Variants in NDST1 observed in about 807,000 individuals in gnomAD.
NDST1 encodes the protein bifunctional heparan sulfate N-deacetylase/N-sulfotransferase 1.
A neutral mutation model predicts 92.8 loss-of-function variants in NDST1; 35 were observed. That is an observed-to-expected ratio of 0.38 (90% CI 0.29 to 0.50). The LOEUF (loss-of-function observed/expected upper bound fraction) is 0.50, where lower values mean the gene tolerates loss of function less well. NDST1 is among the 20% of genes least tolerant of loss of function. NDST1 has a pLI of 0.94. For synonymous variants in NDST1, 493 were observed against 500.3 expected (o/e 0.99, Z 0.19); for missense variants, 822 against 1,182.7 (o/e 0.69, Z 4.47).
chr5:150,539,129 T>G, intron 6 of NDST1, 99 bp from the exon 7 acceptor site: 2 of 1,007,070 alleles, frequency 2.0e-6, no homozygotes, highest in Non-Finnish European at 3.1e-6. Context: ...GAGACTGCCT[T>G]TCTGAGGAGC....
chr5:150,547,428 C>T (rs934283585), intron 11 of NDST1, among the ~76,000 whole-genome samples: 1 of 152,214 alleles, frequency 6.6e-6, no homozygotes, highest in Admixed American at 6.5e-5. Flanking sequence ...GCCTGTCGCA[C>T]AGGTGCCTGA....
In NDST1 at chr5:150,518,541, C is replaced by T. The variant is rs974115131; in HGVS notation, c.-387-2327C>T. On this transcript the variant is annotated intron_variant, in intron 1 of 14. Transcript: ENST00000261797. ...ACCTCCTCATTTCACAAACAAAAAGCGGAAATAAAAATCACCCAGAGATAA... is the reference window on the plus strand; with the variant it reads ...ACCTCCTCATTTCACAAACAAAAAGTGGAAATAAAAATCACCCAGAGATAA... Among the ~76,000 whole-genome samples the T allele has an allele frequency of 2.0e-5, 3 of 152,088 alleles. No individual in the cohort carries two copies. In the East Asian group the frequency reaches 5.8e-4, roughly 29 times the overall value.
chr5:150,539,413 T>C, intron 7 of NDST1, 57 bp downstream of exon 7: 1 of 1,611,966 alleles, frequency 6.2e-7, no homozygotes, highest in Non-Finnish European at 8.5e-7. Context: ...ACAGCCTGTC[T>C]GCAGCTGACA....
Position 150,554,915 on chromosome 5 carries a change from A to G in NDST1, c.*1583A>G, listed in dbSNP as rs1755840062. On this transcript the variant is annotated 3_prime_UTR_variant, in exon 15 of 15. Transcript: ENST00000261797. ...GGGTGCCTCTCCCTGGCCCCCTCCA[A>G]CTGCCAAATTCTGCTTCCCTCTGAA... 1 of 152,730 alleles carries G rather than the reference A, an allele frequency of 6.5e-6. No homozygotes were observed. Among genetic ancestry groups the G allele is most frequent in the South Asian group, 2.1e-4 (1 of 4,828 alleles). 9.5% of individuals were successfully genotyped at this position (152,730 alleles called of 1,614,324 possible).
chr5:150,545,304 T>G lies in NDST1; in HGVS notation c.1971-8T>G, dbSNP rs779946704. 1 of 1,614,040 alleles carries G rather than the reference T, an allele frequency of 6.2e-7. No homozygotes were observed. Among genetic ancestry groups the G allele is most frequent in the Non-Finnish European group, 8.5e-7 (1 of 1,180,024 alleles). ...TGTCTGTGAGCCGCCTCTCTGGGCT[T>G]CCTGCAGGTACATGGAGTTCTTCCC... On this transcript the variant is annotated splice_polypyrimidine_tract_variant and splice_region_variant and intron_variant, in intron 10 of 14. Transcript: ENST00000261797.
In NDST1 at chr5:150,554,564, C is replaced by T. The variant is rs116054908; in HGVS notation, c.*1232C>T. On this transcript the variant is annotated 3_prime_UTR_variant, in exon 15 of 15. Transcript: ENST00000261797. Reference sequence around the variant, plus strand: ...CCCCAGTGCCGTGGCTGCTCTGGGGCTACCCCAGGTGAACAGAGGTGGTGA... The same window carrying T: ...CCCCAGTGCCGTGGCTGCTCTGGGGTTACCCCAGGTGAACAGAGGTGGTGA... 0.016 allele frequency: 2,380 copies of T among 152,632 alleles called. 59 individuals are homozygous for T. Among genetic ancestry groups the T allele is most frequent in the African/African-American group, 0.053 (2,193 of 41,474 alleles). 9.5% of individuals were successfully genotyped at this position (152,632 alleles called of 1,614,324 possible). A position where few individuals can be genotyped will look rare whatever the true frequency, so the allele number is the denominator to read the frequency against.
chr5:150,535,598 C>T (rs1378005557), intron 5 of NDST1, 102 bp from the exon 6 acceptor site: 22 of 1,433,782 alleles, frequency 1.5e-5, no homozygotes, highest in East Asian at 9.3e-5. Context: ...GCAGCCATGC[C>T]GACCTAACCT....
At chr5:150,535,134 A>G in intron 5 of NDST1, 113 bp downstream of exon 5, 1 of 1,468,352 alleles carries the variant, frequency 6.8e-7, no homozygotes, top group Non-Finnish European at 9.3e-7. Flanking sequence ...TTTTACTAAC[A>G]CCTCTGGGCC....
At position 150,540,066 on chromosome 5, in the gene NDST1, C is replaced by T; in HGVS notation, c.1567-16C>T. On this transcript the variant is annotated splice_polypyrimidine_tract_variant and intron_variant, in intron 7 of 14. Coordinates refer to ENST00000261797, the MANE Select transcript of NDST1 (RefSeq NM_001543.5). ...ACTGATGGGCCCTGCCTCTCTCCTC[C>T]CCTCCCCTGGAGCAGATCAGCATCT... The T allele has an allele frequency of 6.2e-7, 1 of 1,614,072 alleles. No individual in the cohort carries two copies.
intron 1 of NDST1, among the ~76,000 whole-genome samples, chr5:150,498,644 A>ACC (rs1753099497): frequency 6.6e-6 from 1 of 152,126 alleles, no homozygotes; most frequent in Non-Finnish European, 1.5e-5. Flanking sequence ...GCAGGGCACG[A>ACC]TTCTCAACCT....
At chr5:150,519,973 C>T (rs1025491971) in intron 1 of NDST1, among the ~76,000 whole-genome samples, 4 of 152,022 alleles carry the variant, frequency 2.6e-5, no homozygotes, top group East Asian at 3.9e-4. Flanking sequence ...AGGTCCAGGG[C>T]GGGGGAGGCC....
At chr5:150,546,307 C>T (rs1031424478) in intron 11 of NDST1, among the ~76,000 whole-genome samples, 1 of 152,204 alleles carries the variant, frequency 6.6e-6, no homozygotes, top group South Asian at 2.1e-4. Flanking sequence ...AACCAGAGCT[C>T]TCTTTAATGC....
chr5:150,498,236 T>C (rs997717806), exon 1 of NDST1: 14 of 152,402 alleles, frequency 9.2e-5, no homozygotes, highest in African/African-American at 3.4e-4. Flanking sequence ...CTGTGTGACA[T>C]TGGGTAAGTT....
rs189141054 is a variant in NDST1, at chr5:150,542,753, C to T, written c.1847-95C>T. ...GAAAGGCAGAGACCTTCCCAGGAGCCCCCAGTGGGTCGTGGGGAGCTAGGC... is the reference window on the plus strand; with the variant it reads ...GAAAGGCAGAGACCTTCCCAGGAGCTCCCAGTGGGTCGTGGGGAGCTAGGC... On this transcript the variant is annotated intron_variant, in intron 9 of 14. Transcript: ENST00000261797. 159 of 1,524,438 alleles carry T rather than the reference C, an allele frequency of 1.0e-4. No homozygotes were observed. The Middle Eastern group carries it at 1.0e-3, about 10-fold the overall frequency. 94.4% of individuals were successfully genotyped at this position (1,524,438 alleles called of 1,614,324 possible).
intron 4 of NDST1, 53 bp downstream of exon 4, chr5:150,533,085 C>A: frequency 6.5e-7 from 1 of 1,545,202 alleles, no homozygotes; most frequent in Non-Finnish European, 8.9e-7. Flanking sequence ...TCCTCAGCAC[C>A]CAAACCCTCA....
Position 150,548,326 on chromosome 5 carries a change from C to T in NDST1, c.2254C>T (p.Leu752=), listed in dbSNP as rs1347306510. 1 of 1,613,986 alleles carries T rather than the reference C, an allele frequency of 6.2e-7. No individual in the cohort carries two copies. Among genetic ancestry groups the T allele is most frequent in the African/African-American group, 1.3e-5 (1 of 74,930 alleles). The change falls in exon 12 of 15, where the codon CTG becomes TTG. Residue 752 remains leucine, a synonymous_variant. Transcript: ENST00000261797. ...SKLRALQNRC[L]VPGWYATHIE... is the part of the protein sequence containing the mutation. The stretch of plus-strand genomic sequence containing the variant: ...GCTGCGTGCCCTCCAGAACCGCTGC[C>T]TGGTCCCTGGCTGGTACGCCACCCA...
intron 8 of NDST1, among the ~76,000 whole-genome samples, chr5:150,540,601 A>G (rs1233649456): frequency 2.0e-5 from 3 of 152,146 alleles, no homozygotes; most frequent in Admixed American, 1.3e-4. Context: ...GGATTGCTTG[A>G]ACCCAGGAGT....
chr5:150,503,442 G>A (rs756539706), upstream of NDST1, among the ~76,000 whole-genome samples: 16 of 152,122 alleles, frequency 1.1e-4, no homozygotes, highest in Non-Finnish European at 2.1e-4. Flanking sequence ...GTGAAATTCT[G>A]TCTCAAAAAA....
At chr5:150,503,474 G>A (rs1228545111), upstream of NDST1, among the ~76,000 whole-genome samples, 1 of 152,140 alleles carries the variant, frequency 6.6e-6, no homozygotes, top group Non-Finnish European at 1.5e-5. Flanking sequence ...AAAAAATAAA[G>A]CACTTAGCAA....
Sources: allele counts gnomAD v4.1 joint callset (sites outside exome capture counted in the v4.1 genomes callset), GRCh38; gene constraint gnomAD v4.1.1; transcripts MANE v1.5; gene names NCBI Gene and HGNC (gene_info 2026-07-23, HGNC 2026-07-21).